Variants in INTS12 observed in about 807,000 individuals in gnomAD.
INTS12 encodes the protein integrator complex subunit 12, also known as PHD finger protein 22.
INTS12 carries 13 observed loss-of-function variants against 41.6 expected under a neutral mutation model. The observed-to-expected ratio is 0.31, with a 90% CI of 0.20 to 0.50. INTS12 has a LOEUF of 0.50. Among genes scored for constraint, INTS12 ranks in the 20% least tolerant of loss-of-function variants. The pLI is 0.98. For synonymous variants in INTS12, 199 were observed against 191.4 expected (o/e 1.04, Z -0.33); for missense variants, 432 against 541.6 (o/e 0.80, Z 2.01).
intron 7 of INTS12, among the ~76,000 whole-genome samples, chr4:105,684,775 AT>A (rs552957894): frequency 6.6e-6 from 1 of 151,880 alleles, no homozygotes; most frequent in African/African-American, 2.4e-5. Flanking sequence ...GAAAGACCTA[AT>A]TTTTTTTCCT....
chr4:105,686,718 G>T lies in INTS12; in HGVS notation c.778C>A (p.Leu260Ile). The T allele has an allele frequency of 6.2e-7, 1 of 1,612,988 alleles. No individual in the cohort carries two copies. Among genetic ancestry groups the T allele is most frequent in the Non-Finnish European group, 8.5e-7 (1 of 1,179,254 alleles). The change falls in exon 7 of 8, where the codon CTA becomes ATA. Residue 260 changes from leucine to isoleucine, a missense_variant. This residue lies in a region of INTS12 where 258 missense variants were observed against 309.9 expected (regional missense o/e 0.83). Transcript: ENST00000340139. ...ETKLKQETTF[L>I]AFKRTEVKTS... is the part of the protein sequence containing the mutation. ...TTGACTTCTGTTCTCTTAAACGCTA[G>T]AAAAGTTGTCTCTTGTTTCAGTTTA...
intron 6 of INTS12, among the ~76,000 whole-genome samples, chr4:105,690,609 C>A (rs1434938877): frequency 6.6e-6 from 1 of 151,792 alleles, no homozygotes; most frequent in Non-Finnish European, 1.5e-5. Flanking sequence ...CTTAAAGTAT[C>A]TATAGACTAT....
At chr4:105,686,482 T>C (rs1005606740) in intron 7 of INTS12, among the ~76,000 whole-genome samples, 2 of 152,230 alleles carry the variant, frequency 1.3e-5, no homozygotes, top group Non-Finnish European at 2.9e-5. Context: ...ACTGTTCGTA[T>C]TTGTGATAAA....
Position 105,686,819 on chromosome 4 carries a change from GGTT to G in INTS12, c.674_676del (p.Lys225_Pro226delinsThr). On this transcript the variant is annotated inframe_deletion, in exon 7 of 8. Transcript: ENST00000340139. ...AACTGCAGGGGCTGGTTTCTGCGGT[GGTT>G]TCTGAGTTTTTTGAGCCTGCAAAAA... The G allele has an allele frequency of 6.2e-7, 1 of 1,613,612 alleles. No homozygotes were observed. The highest frequency in any genetic ancestry group is 8.5e-7 in the Non-Finnish European group (1 of 1,179,878).
chr4:105,692,655 G>T (rs1731731297), intron 5 of INTS12, among the ~76,000 whole-genome samples: 1 of 151,844 alleles, frequency 6.6e-6, no homozygotes, highest in Non-Finnish European at 1.5e-5. Flanking sequence ...TAAATATATA[G>T]AATGCCTTAA....
chr4:105,705,937 T>C (rs1732246850), intron 1 of INTS12: 1 of 152,250 alleles, frequency 6.6e-6, no homozygotes, highest in Non-Finnish European at 1.5e-5. Context: ...GTAACCCCTG[T>C]CTGGCAGAGT....
intron 2 of INTS12, chr4:105,702,909 C>T: frequency 1.0e-6 from 1 of 984,698 alleles, no homozygotes; most frequent in Non-Finnish European, 1.2e-6. Context: ...TTTCTGTTGC[C>T]TTCTCTAATC....
At chr4:105,685,402 G>A in intron 7 of INTS12, among the ~76,000 whole-genome samples, 1 of 152,030 alleles carries the variant, frequency 6.6e-6, no homozygotes, top group East Asian at 1.9e-4. Context: ...CAATAAACTG[G>A]TTATTCTTAC....
At chr4:105,690,759 A>C (rs758721415) in intron 6 of INTS12, among the ~76,000 whole-genome samples, 5 of 152,216 alleles carry the variant, frequency 3.3e-5, no homozygotes, top group Non-Finnish European at 5.9e-5. Flanking sequence ...TAAAGTGATA[A>C]TAATAATGAA....
chr4:105,683,305 T>C lies in INTS12; in HGVS notation c.817A>G (p.Ile273Val), dbSNP rs766382427. Residue 273 changes from isoleucine (I) to valine (V), a missense_variant, in exon 8 of 8, where the codon ATT (isoleucine) becomes GTT (valine). Physicochemically the swap from Ile to Val is conservative, Grantham distance 29. Transcript: ENST00000340139. ...CTGGCACTAGAAGAATTTCCTGAAA[T>C]AACTGTGGATGTCTAAAAAAATAAA... is the stretch of plus-strand genomic sequence containing the variant. ...KRTEVKTSTV[I>V]SGNSSSASVS... 16 of 1,609,894 alleles carry C rather than the reference T, an allele frequency of 9.9e-6. No individual in the cohort carries two copies. The highest frequency in any genetic ancestry group is 1.3e-5 in the Non-Finnish European group (15 of 1,177,756).
chr4:105,707,285 T>C (rs987891421), intron 1 of INTS12, among the ~76,000 whole-genome samples: 1 of 152,076 alleles, frequency 6.6e-6, no homozygotes, highest in Non-Finnish European at 1.5e-5. Flanking sequence ...ATAGTGCTTT[T>C]TCATGGTATT....
At chr4:105,684,990 A>C (rs1731453101) in intron 7 of INTS12, among the ~76,000 whole-genome samples, 1 of 152,138 alleles carries the variant, frequency 6.6e-6, no homozygotes, top group South Asian at 2.1e-4. Flanking sequence ...CAGATGGTTT[A>C]TAATACTATC....
chr4:105,695,484 T>C (rs540493127), intron 4 of INTS12, 32 bp downstream of exon 4: 2 of 1,546,146 alleles, frequency 1.3e-6, no homozygotes, highest in East Asian at 4.5e-5. Flanking sequence ...ACTAATTTAC[T>C]TTCTTTTAAC....
chr4:105,689,546 A>G (rs1578381973), intron 6 of INTS12, among the ~76,000 whole-genome samples: 1 of 151,620 alleles, frequency 6.6e-6, no homozygotes, highest in East Asian at 1.9e-4. Context: ...ATTAGCCATG[A>G]CTCCCCATTT....
At chr4:105,691,153 T>C (rs1242763371) in intron 6 of INTS12, among the ~76,000 whole-genome samples, 1 of 152,214 alleles carries the variant, frequency 6.6e-6, no homozygotes, top group Admixed American at 6.5e-5. Flanking sequence ...TTAAAAGATA[T>C]ATTGGTTAGA....
At chr4:105,691,781 A>G (rs1004819618) in intron 6 of INTS12, among the ~76,000 whole-genome samples, 195 bp downstream of exon 6, 1 of 152,226 alleles carries the variant, frequency 6.6e-6, no homozygotes, top group African/African-American at 2.4e-5. Flanking sequence ...CTAAAAAGAG[A>G]AAAATGCACA....
Position 105,692,062 on chromosome 4 carries a change from G to A in INTS12, c.571C>T (p.His191Tyr). The A allele has an allele frequency of 6.2e-7, 1 of 1,609,922 alleles. No homozygotes were observed. Among genetic ancestry groups the A allele is most frequent in the Non-Finnish European group, 8.5e-7 (1 of 1,178,174 alleles). The change falls in exon 6 of 8, where the codon CAT (histidine) becomes TAT (tyrosine). Residue 191 changes from histidine to tyrosine, a missense_variant. His to Tyr is a moderately conservative substitution (Grantham distance 83). Transcript: ENST00000340139. ...TCCTTGTCTGTCACCTGGGGTTTAT[G>A]ACAATCTCGGTGGTAGAGATTATGG... ...ECHNLYHRDC[H>Y]KPQVTDKEAN...
At chr4:105,700,624 A>T (rs1160257586) in intron 2 of INTS12, among the ~76,000 whole-genome samples, 3 of 149,706 alleles carry the variant, frequency 2.0e-5, no homozygotes, top group Non-Finnish European at 3.0e-5. Flanking sequence ...ACCTTATTTG[A>T]TCACATTTAG....
intron 1 of INTS12, among the ~76,000 whole-genome samples, chr4:105,706,821 T>G (rs1305034972): frequency 6.6e-6 from 1 of 152,214 alleles, no homozygotes; most frequent in East Asian, 1.9e-4. Flanking sequence ...GTCCTACTTT[T>G]CACTTCCACT....
Sources: allele counts gnomAD v4.1 joint callset (sites outside exome capture counted in the v4.1 genomes callset), GRCh38; gene constraint gnomAD v4.1.1; regional missense constraint gnomAD v4.1.1; transcripts MANE v1.5; gene names NCBI Gene and HGNC (gene_info 2026-07-23, HGNC 2026-07-21).